GARNL3: variants seen among roughly 807,000 people sequenced by gnomAD.
GARNL3 encodes GTPase activating Rap/RanGAP domain like 3, also known as GTPase-activating Rap/Ran-GAP domain-like protein 3.
GARNL3 carries 63 observed loss-of-function variants against 125.0 expected under a neutral mutation model. The ratio of observed to expected loss-of-function variants is 0.50; its 90% CI spans 0.41 to 0.62. GARNL3 has a LOEUF of 0.62. GARNL3 is among the 20% of genes least tolerant of loss of function. The pLI is 0.00. For synonymous variants in GARNL3, 439 were observed against 457.5 expected (o/e 0.96, Z 0.52); for missense variants, 994 against 1,244.0 (o/e 0.80, Z 3.02).
At chr9:127,338,220 T>C (rs1564154563) in intron 12 of GARNL3, 59 bp downstream of exon 12, 7 of 1,302,048 alleles carry the variant, frequency 5.4e-6, no homozygotes, top group Non-Finnish European at 6.7e-6. Flanking sequence ...TAATTTAGCA[T>C]TGATTTTTAC....
At chr9:127,347,744 G>T (rs905962012) in intron 16 of GARNL3, among the ~76,000 whole-genome samples, 2 of 151,958 alleles carry the variant, frequency 1.3e-5, no homozygotes, top group Non-Finnish European at 2.9e-5. Context: ...AATTTTCTTG[G>T]GGAAACGTCA....
chr9:127,306,381 G>A (rs2131440211), intron 2 of GARNL3, among the ~76,000 whole-genome samples: 1 of 152,090 alleles, frequency 6.6e-6, no homozygotes, highest in East Asian at 1.9e-4. Context: ...TCAGGAGTTC[G>A]AGACCAGCCT....
chr9:127,376,257 G>A (rs1434421261), intron 22 of GARNL3, among the ~76,000 whole-genome samples: 2 of 152,004 alleles, frequency 1.3e-5, no homozygotes, highest in African/African-American at 4.8e-5. Context: ...ACTGCACCCA[G>A]CCTCTTAACA....
intron 1 of GARNL3, among the ~76,000 whole-genome samples, chr9:127,273,087 A>G (rs2063863603): frequency 6.6e-6 from 1 of 152,130 alleles, no homozygotes; most frequent in Non-Finnish European, 1.5e-5. Flanking sequence ...TTTAATCCCC[A>G]CAAAAAACCA....
chr9:127,231,296 TCTC>T, intron 1 of GARNL3, among the ~76,000 whole-genome samples: 1 of 144,488 alleles, frequency 6.9e-6, no homozygotes, highest in Non-Finnish European at 1.5e-5. Flanking sequence ...ATGGTCTAGA[TCTC>T]CTGACCTCAT....
At chr9:127,316,392 AAAAT>A (rs2065241316) in intron 4 of GARNL3, among the ~76,000 whole-genome samples, 1 of 152,142 alleles carries the variant, frequency 6.6e-6, no homozygotes, top group South Asian at 2.1e-4. Context: ...AAAAAAAATA[AAAAT>A]AAAACTGCCT....
At chr9:127,323,138 A>C (rs2065454836) in intron 6 of GARNL3, among the ~76,000 whole-genome samples, 1 of 152,224 alleles carries the variant, frequency 6.6e-6, no homozygotes, top group Non-Finnish European at 1.5e-5. Context: ...TCATGCATAC[A>C]TCAAAAGTAA....
At chr9:127,331,734 T>TTTTTTTTTTTTTTTTTTTA in intron 7 of GARNL3, among the ~76,000 whole-genome samples, 1 of 148,578 alleles carries the variant, frequency 6.7e-6, no homozygotes, top group Non-Finnish European at 1.5e-5. Context: ...TTTTTTTTTT[T>TTTTTTTTTTTTTTTTTTTA]TCACATCTGT....
chr9:127,236,045 G>A (rs2063107110), intron 1 of GARNL3, among the ~76,000 whole-genome samples: 1 of 152,178 alleles, frequency 6.6e-6, no homozygotes, highest in Non-Finnish European at 1.5e-5. Flanking sequence ...ATTCATGGAG[G>A]ATATGACAGC....
rs1304327662 is a variant in GARNL3, at chr9:127,266,568, C to A, written c.144+1547C>A. Among the ~76,000 whole-genome samples, 2 of 152,186 alleles carry A rather than the reference C, an allele frequency of 1.3e-5. No homozygotes were observed. The highest frequency in any genetic ancestry group is 2.9e-5 in the Non-Finnish European group (2 of 68,036). ...CTGAAGTCATTCTTGTTTCATCATT[C>A]ACTAATTGTATGATCTTGGACTTCC... On this transcript the variant is annotated intron_variant, in intron 1 of 27. Transcript: ENST00000373387. The surrounding 1 kb of genome is among the most constrained non-coding windows in gnomAD (Gnocchi z 4.0).
intron 2 of GARNL3, among the ~76,000 whole-genome samples, chr9:127,296,464 C>CTTTTTTT (rs777082855): frequency 1.1e-5 from 1 of 87,110 alleles, no homozygotes; most frequent in African/African-American, 4.9e-5. Flanking sequence ...GTAGGCATGA[C>CTTTTTTT]TTTTTTTTTT....
At chr9:127,260,090 A>G (rs890207657), upstream of GARNL3, among the ~76,000 whole-genome samples, 1 of 152,170 alleles carries the variant, frequency 6.6e-6, no homozygotes, top group African/African-American at 2.4e-5. Context: ...GATATTTTCA[A>G]TTGCATTGTA....
At position 127,317,974 on chromosome 9, in the gene GARNL3, G is replaced by A. The variant is rs1292548208; in HGVS notation, c.439-89G>A. On this transcript the variant is annotated intron_variant, in intron 4 of 27. Coordinates refer to ENST00000373387, the MANE Select transcript of GARNL3 (RefSeq NM_032293.5). ...CTTGAGGAGAAAGAAGAAAGACTGG[G>A]CATGGCTTTCTTTTGAATGACCCGA... 4 of 802,734 alleles carry A rather than the reference G, an allele frequency of 5.0e-6. No individual in the cohort carries two copies. The African/African-American group carries it at 5.1e-5, about 10-fold the overall frequency. The allele number at this position is 802,734 out of a possible 1,614,324, so 49.7% of individuals were successfully genotyped here. A position where few individuals can be genotyped will look rare whatever the true frequency, so the allele number is the denominator to read the frequency against.
At chr9:127,355,548 T>G in intron 20 of GARNL3, 76 bp downstream of exon 20, 18 of 1,388,302 alleles carry the variant, frequency 1.3e-5, no homozygotes, top group East Asian at 2.3e-5. Context: ...ACCCAGAGTT[T>G]GTTACCCACT....
At position 127,231,766 on chromosome 9, in the gene GARNL3, G is replaced by A. The variant is rs114269225; in HGVS notation, c.-29+7428G>A. 4.0e-3 allele frequency among the ~76,000 whole-genome samples: 611 copies of A among 152,278 alleles called. 6 individuals are homozygous for A. The highest frequency in any genetic ancestry group is 0.014 in the African/African-American group (585 of 41,538). ...TCGGAATCTGTGGAATGGGGCTAAC[G>A]AAACTGAGTCAGATTGCTAATACAG... On this transcript the variant is annotated intron_variant, in intron 1 of 10. Coordinates refer to the GARNL3 transcript ENST00000439286.
intron 5 of GARNL3, among the ~76,000 whole-genome samples, chr9:127,320,222 A>G (rs2065358331): frequency 6.6e-6 from 1 of 152,204 alleles, no homozygotes; most frequent in South Asian, 2.1e-4. Flanking sequence ...GTTCGTTATT[A>G]TTTTTAACTT....
upstream of GARNL3, among the ~76,000 whole-genome samples, chr9:127,259,472 C>G (rs1400887744): frequency 1.3e-5 from 2 of 152,108 alleles, no homozygotes; most frequent in African/African-American, 2.4e-5. Flanking sequence ...TTCAAAGTCT[C>G]TTCCCCTTGT....
intron 1 of GARNL3, among the ~76,000 whole-genome samples, chr9:127,269,734 C>A (rs1311995358): frequency 1.3e-5 from 2 of 148,414 alleles, no homozygotes; most frequent in Non-Finnish European, 3.0e-5. Flanking sequence ...AATGACTATT[C>A]GAATTCTTTG....
intron 13 of GARNL3, among the ~76,000 whole-genome samples, chr9:127,340,724 C>T (rs1829818527): frequency 1.3e-5 from 2 of 151,456 alleles, no homozygotes; most frequent in African/African-American, 4.9e-5. Context: ...CTGAGTCCTA[C>T]GTGGACAAGT....
Sources: gnomAD v4.1 joint callset for allele counts (sites outside exome capture counted in the v4.1 genomes callset) on GRCh38, gnomAD v4.1.1 for gene constraint, Gnocchi (gnomAD v3.1) non-coding constraint, MANE v1.5 for transcripts, NCBI Gene and HGNC (gene_info 2026-07-23, HGNC 2026-07-21) for gene names.